FAT4: variants seen among roughly 807,000 people sequenced by gnomAD.
The protein encoded by FAT4 is protocadherin Fat 4.
In FAT4, 84 loss-of-function variants were observed where a neutral mutation model predicts 303.9. That is an observed-to-expected ratio of 0.28 (90% CI 0.23 to 0.33). FAT4 has a LOEUF of 0.33. Among genes scored for constraint, FAT4 ranks in the 10% least tolerant of loss-of-function variants. FAT4 has a pLI of 1.00. For synonymous variants in FAT4, 2,307 were observed against 2,298.8 expected (o/e 1.00, Z -0.10); for missense variants, 6,005 against 6,146.8 (o/e 0.98, Z 0.77).
chr4:125,351,486 A>AT (rs553845236), intron 2 of FAT4, among the ~76,000 whole-genome samples: 154 of 151,718 alleles, frequency 1.0e-3, no homozygotes, highest in African/African-American at 3.6e-3. Context: ...TTAAGAAATT[A>AT]TTTTTTTCTA....
At chr4:125,390,870 G>A (rs1339243849) in intron 2 of FAT4, among the ~76,000 whole-genome samples, 2 of 152,040 alleles carry the variant, frequency 1.3e-5, no homozygotes. Context: ...TTTAAGTCAT[G>A]ATTCACTTTT....
intron 11 of FAT4, 106 bp downstream of exon 11, chr4:125,463,773 C>T (rs1196686792): frequency 1.8e-6 from 1 of 566,652 alleles, no homozygotes; most frequent in Non-Finnish European, 3.1e-6. Flanking sequence ...TATTGTTTTA[C>T]ATGGAAGGTT....
At chr4:125,355,219 T>A (rs1732380718) in intron 2 of FAT4, among the ~76,000 whole-genome samples, 1 of 151,960 alleles carries the variant, frequency 6.6e-6, no homozygotes, top group South Asian at 2.1e-4. Flanking sequence ...ATTTATACAT[T>A]CATGTAATAA....
chr4:125,398,730 G>A, intron 2 of FAT4, 54 bp from the exon 3 acceptor site: 2 of 1,564,906 alleles, frequency 1.3e-6, no homozygotes, highest in Non-Finnish European at 1.7e-6. Flanking sequence ...ATTTTAATTG[G>A]TATCTTGCAG....
intron 6 of FAT4, 65 bp downstream of exon 6, chr4:125,415,871 T>C: frequency 8.1e-7 from 1 of 1,237,304 alleles, no homozygotes; most frequent in South Asian, 1.5e-5. Context: ...AAACCTCCCC[T>C]CTTCTACAGC....
chr4:125,477,105 A>T, intron 13 of FAT4, 50 bp from the exon 14 acceptor site: 1 of 1,284,542 alleles, frequency 7.8e-7, no homozygotes, highest in Non-Finnish European at 1.0e-6. Flanking sequence ...CATTATACTA[A>T]AAATGTAATC....
intron 2 of FAT4, among the ~76,000 whole-genome samples, chr4:125,379,447 G>T (rs962553882): frequency 2.0e-5 from 3 of 151,930 alleles, no homozygotes; most frequent in African/African-American, 7.2e-5. Flanking sequence ...TTTAATAAAA[G>T]ACTTTTTATT....
intron 7 of FAT4, among the ~76,000 whole-genome samples, chr4:125,432,831 A>G (rs1725327255): frequency 7.8e-6 from 1 of 127,912 alleles, no homozygotes; most frequent in African/African-American, 2.9e-5. Context: ...ATATATATAT[A>G]TATGGCAACA....
rs1730904209 is a variant in FAT4 at position 125,320,725 on chromosome 4, T to C, written c.4314T>C (p.Ser1438=). Residue 1438 remains serine, a synonymous_variant, in exon 2 of 18, where the codon TCT becomes TCC. Transcript: ENST00000394329. ...SIVENIPIGT[S]VISVTAHDPD... is the part of the protein sequence containing the mutation. ...TTGAGAACATTCCCATCGGTACATC[T>C]GTCATTTCAGTGACTGCACATGACC... The C allele has an allele frequency of 1.2e-6, 2 of 1,614,190 alleles. No homozygotes were observed. Among genetic ancestry groups the C allele is most frequent in the Middle Eastern group, 1.6e-4 (1 of 6,062 alleles).
intron 2 of FAT4, among the ~76,000 whole-genome samples, chr4:125,367,934 C>T (rs1196837228): frequency 2.0e-5 from 3 of 152,054 alleles, no homozygotes; most frequent in East Asian, 3.9e-4. Context: ...AGATTATGAA[C>T]AAAAAGGGAA....
chr4:125,416,933 C>T (rs6534478), intron 7 of FAT4, among the ~76,000 whole-genome samples: 24,568 of 152,062 alleles, frequency 0.16, 2,221 homozygotes, highest in East Asian at 0.38. Flanking sequence ...GCAACAAGAA[C>T]GAAACTCGTC....
At chr4:125,411,333 T>C (rs1734830045) in intron 5 of FAT4, among the ~76,000 whole-genome samples, 1 of 152,000 alleles carries the variant, frequency 6.6e-6, no homozygotes, top group Non-Finnish European at 1.5e-5. Flanking sequence ...GGTATTACAT[T>C]GAGGAAATAT....
chr4:125,374,985 T>C (rs1278582600), intron 2 of FAT4, among the ~76,000 whole-genome samples: 1 of 152,224 alleles, frequency 6.6e-6, no homozygotes, highest in Non-Finnish European at 1.5e-5. Context: ...TTGCCCCTTA[T>C]ATAACTTGAA....
At chr4:125,358,044 GC>G (rs1732506101) in intron 2 of FAT4, among the ~76,000 whole-genome samples, 1 of 152,112 alleles carries the variant, frequency 6.6e-6, no homozygotes, top group African/African-American at 2.4e-5. Flanking sequence ...AAGTAAGCCA[GC>G]TTGGGCGGGG....
At chr4:125,332,182 C>G (rs1199572774) in intron 2 of FAT4, among the ~76,000 whole-genome samples, 1 of 59,134 alleles carries the variant, frequency 1.7e-5, no homozygotes, top group East Asian at 3.9e-4. Context: ...TTTTTCCTTT[C>G]TCAATTTCCT....
chr4:125,417,418 A>G (rs1267439249), intron 7 of FAT4, among the ~76,000 whole-genome samples: 1 of 152,168 alleles, frequency 6.6e-6, no homozygotes, highest in African/African-American at 2.4e-5. Context: ...AGGGAGCCAA[A>G]CTATAAGTTC....
chr4:125,479,578 G>A (rs1727150523), intron 14 of FAT4, among the ~76,000 whole-genome samples, 163 bp from the exon 15 acceptor site: 1 of 152,012 alleles, frequency 6.6e-6, no homozygotes, highest in Admixed American at 6.6e-5. Flanking sequence ...TGTTTTCTAG[G>A]AAAACTTCTG....
intron 3 of FAT4, among the ~76,000 whole-genome samples, chr4:125,403,692 C>T (rs1269185113): frequency 3.9e-5 from 6 of 152,126 alleles, no homozygotes; most frequent in African/African-American, 1.2e-4. Context: ...CCTATTTATC[C>T]TGCATCAAAG....
At chr4:125,425,852 A>G (rs1011352976) in intron 7 of FAT4, among the ~76,000 whole-genome samples, 2 of 152,108 alleles carry the variant, frequency 1.3e-5, no homozygotes, top group Non-Finnish European at 2.9e-5. Context: ...GTTATAAAGT[A>G]TTTGTGTGTC....
Sources: gnomAD v4.1 joint callset for allele counts (sites outside exome capture counted in the v4.1 genomes callset) on GRCh38, gnomAD v4.1.1 for gene constraint, MANE v1.5 for transcripts, NCBI Gene and HGNC (gene_info 2026-07-23, HGNC 2026-07-21) for gene names.